Variants in CCDC178 observed in about 807,000 individuals in gnomAD.
CCDC178 encodes coiled-coil domain containing 178, also known as coiled-coil domain-containing protein 178.
Under a neutral mutation model 117.4 loss-of-function variants are expected in CCDC178, and 126 were observed. That is an observed-to-expected ratio of 1.07 (90% CI 0.93 to 1.24). CCDC178 has a LOEUF of 1.24. Ranked by LOEUF, CCDC178 falls within the 50% of genes most tolerant of loss-of-function variation. The pLI is 0.00. For missense variants in CCDC178, 1,030 were observed against 986.9 expected (o/e 1.04, Z -0.59); for synonymous variants, 283 against 313.4 (o/e 0.90, Z 1.02).
chr18:33,042,067 G>A (rs182012517), intron 21 of CCDC178, among the ~76,000 whole-genome samples: 1 of 151,994 alleles, frequency 6.6e-6, no homozygotes, highest in Non-Finnish European at 1.5e-5. Flanking sequence ...ATTGATTTAG[G>A]AATGGAGCAT....
At chr18:33,380,020 C>T (rs747769578) in intron 5 of CCDC178, among the ~76,000 whole-genome samples, 1 of 152,104 alleles carries the variant, frequency 6.6e-6, no homozygotes, top group African/African-American at 2.4e-5. Context: ...CCAGCTTAGG[C>T]TGCTGGTCCA....
At chr18:33,264,880 T>C (rs79919707) in intron 14 of CCDC178, among the ~76,000 whole-genome samples, 2 of 152,088 alleles carry the variant, frequency 1.3e-5, no homozygotes, top group East Asian at 3.9e-4. Context: ...TCAACCTTTT[T>C]ATTTTGAGTC....
chr18:33,429,157 G>C (rs2064170486), intron 2 of CCDC178, among the ~76,000 whole-genome samples: 1 of 152,038 alleles, frequency 6.6e-6, no homozygotes, highest in South Asian at 2.1e-4. Flanking sequence ...CTCATGTCAG[G>C]AAAAGATACT....
At chr18:33,000,830 C>A (rs544058864) in intron 21 of CCDC178, among the ~76,000 whole-genome samples, 1 of 152,214 alleles carries the variant, frequency 6.6e-6, no homozygotes, top group South Asian at 2.1e-4. Context: ...GGAAGTACTT[C>A]AATCTGAAAG....
intron 20 of CCDC178, among the ~76,000 whole-genome samples, chr18:33,143,579 T>G (rs1361616679): frequency 6.6e-6 from 1 of 152,142 alleles, no homozygotes; most frequent in South Asian, 2.1e-4. Context: ...TTTCATGAAG[T>G]CTGTAGTGAA....
At chr18:33,214,967 A>C (rs271555) in intron 19 of CCDC178, among the ~76,000 whole-genome samples, 24,438 of 151,914 alleles carry the variant, frequency 0.16, 2,741 homozygotes, top group African/African-American at 0.32. Context: ...AAGATAGGAA[A>C]TGAGAAGCAA....
intron 20 of CCDC178, among the ~76,000 whole-genome samples, chr18:33,174,012 G>A (rs565446895): frequency 8.5e-4 from 130 of 152,230 alleles, no homozygotes; most frequent in Middle Eastern, 3.4e-3. Context: ...CCTGAGACTG[G>A]GTAATTTATA....
intron 21 of CCDC178, among the ~76,000 whole-genome samples, chr18:33,090,911 G>A (rs1029992288): frequency 6.6e-6 from 1 of 152,098 alleles, no homozygotes; most frequent in African/African-American, 2.4e-5. Context: ...ATTCCAAAAT[G>A]AGATCAAGAT....
chr18:33,300,947 A>G (rs2062169382), intron 11 of CCDC178, among the ~76,000 whole-genome samples: 1 of 152,230 alleles, frequency 6.6e-6, no homozygotes, highest in African/African-American at 2.4e-5. Flanking sequence ...ACTAAAAGAG[A>G]GCAAAGTGCT....
At chr18:33,415,231 G>A (rs1263943630) in intron 2 of CCDC178, among the ~76,000 whole-genome samples, 1 of 152,172 alleles carries the variant, frequency 6.6e-6, no homozygotes, top group African/African-American at 2.4e-5. Flanking sequence ...AAATCATGCT[G>A]CTATAAAGAC....
chr18:33,217,871 A>C (rs1599013703), intron 18 of CCDC178, among the ~76,000 whole-genome samples: 1 of 152,144 alleles, frequency 6.6e-6, no homozygotes, highest in East Asian at 1.9e-4. Flanking sequence ...TTGCAACTTT[A>C]CCACTAATGA....
intron 20 of CCDC178, among the ~76,000 whole-genome samples, chr18:33,198,671 T>C (rs72947170): frequency 0.048 from 7,285 of 152,254 alleles, 260 homozygotes; most frequent in East Asian, 0.12. Flanking sequence ...TATAAATATA[T>C]ACTTATAATA....
chr18:33,115,241 C>T (rs192459754), intron 20 of CCDC178, among the ~76,000 whole-genome samples: 1 of 152,040 alleles, frequency 6.6e-6, no homozygotes, highest in Admixed American at 6.6e-5. Flanking sequence ...TAGGCCCAAC[C>T]TTTCATACAT....
chr18:33,303,643 G>A (rs1403711011), intron 11 of CCDC178, among the ~76,000 whole-genome samples: 1 of 150,726 alleles, frequency 6.6e-6, no homozygotes, highest in East Asian at 1.9e-4. Flanking sequence ...TTTGCTGTGA[G>A]CCCAAAACTG....
chr18:33,309,625 A>G (rs1341136858), intron 11 of CCDC178, among the ~76,000 whole-genome samples: 3 of 152,184 alleles, frequency 2.0e-5, no homozygotes, highest in East Asian at 1.9e-4. Context: ...TCTGAAAAAC[A>G]GTTCATGATT....
At chr18:32,952,659 G>A (rs1362122524) in intron 22 of CCDC178, among the ~76,000 whole-genome samples, 2 of 152,014 alleles carry the variant, frequency 1.3e-5, no homozygotes, top group East Asian at 1.9e-4. Flanking sequence ...TTGTCTTGAT[G>A]ATTAACATTT....
At chr18:33,333,459 T>A in intron 9 of CCDC178, 65 bp from the exon 10 acceptor site, 1 of 590,372 alleles carries the variant, frequency 1.7e-6, no homozygotes, top group Non-Finnish European at 2.7e-6. Flanking sequence ...AATACATAAA[T>A]ATAAAACATT....
At chr18:33,118,131 A>G (rs1236273520) in intron 20 of CCDC178, among the ~76,000 whole-genome samples, 2 of 152,036 alleles carry the variant, frequency 1.3e-5, no homozygotes, top group Non-Finnish European at 2.9e-5. Flanking sequence ...ATGCTCATGG[A>G]AGTCACTGGT....
intron 21 of CCDC178, 57 bp downstream of exon 21, chr18:33,092,704 T>C: frequency 8.0e-7 from 1 of 1,252,736 alleles, no homozygotes; most frequent in Non-Finnish European, 1.1e-6. Context: ...ACTTTTTACT[T>C]TTGTAGTGCA....
Sources: gnomAD v4.1 joint callset for allele counts (sites outside exome capture counted in the v4.1 genomes callset) on GRCh38, gnomAD v4.1.1 for gene constraint, MANE v1.5 for transcripts, NCBI Gene and HGNC (gene_info 2026-07-23, HGNC 2026-07-21) for gene names.